Variants in PCBP3 observed in about 807,000 individuals in gnomAD.
The protein encoded by PCBP3 is poly(rC) binding protein 3.
PCBP3 carries 25 observed loss-of-function variants against 52.7 expected under a neutral mutation model. That is an observed-to-expected ratio of 0.47 (90% CI 0.35 to 0.66). The LOEUF is 0.66. Ranked by LOEUF, PCBP3 falls within the 30% of genes least tolerant of loss-of-function variation. The pLI is 0.01. For missense variants in PCBP3, 391 were observed against 490.3 expected (o/e 0.80, Z 1.91); for synonymous variants, 162 against 183.0 (o/e 0.89, Z 0.93).
chr21:45,862,071 G>C (rs1024136060), intron 5 of PCBP3, among the ~76,000 whole-genome samples: 2 of 149,414 alleles, frequency 1.3e-5, no homozygotes, highest in African/African-American at 2.5e-5. Flanking sequence ...GACCCTGCTA[G>C]TTTTCTTGAG....
chr21:45,920,468 C>T (rs978238774), intron 13 of PCBP3, among the ~76,000 whole-genome samples: 1 of 152,204 alleles, frequency 6.6e-6, no homozygotes, highest in African/African-American at 2.4e-5. Context: ...TAATGTATAA[C>T]TAACTGTTAA....
In PCBP3 at chr21:45,729,760, A is replaced by G. The variant is rs60541263; in HGVS notation, c.-199-5632A>G. 4.9e-3 allele frequency among the ~76,000 whole-genome samples: 746 copies of G among 152,070 alleles called. 7 individuals are homozygous for G. Among genetic ancestry groups the G allele is most frequent in the African/African-American group, 0.016 (684 of 41,492 alleles). On this transcript the variant is annotated intron_variant, in intron 2 of 17. Transcript: ENST00000681687. ...TATTATGTGCCTTATTAAAGAACCAACTTTCGGTTTTATTAATTTTCTGTA... is the reference window on the plus strand; with the variant it reads ...TATTATGTGCCTTATTAAAGAACCAGCTTTCGGTTTTATTAATTTTCTGTA...
chr21:45,706,459 C>G (rs973990342), intron 2 of PCBP3, among the ~76,000 whole-genome samples: 8 of 152,136 alleles, frequency 5.3e-5, no homozygotes, highest in African/African-American at 1.9e-4. Flanking sequence ...TGCTCTCTCC[C>G]TCCTTTCTCT....
Position 45,726,446 on chromosome 21 carries a change from A to G in PCBP3, c.-199-8946A>G, listed in dbSNP as rs1036693433. On this transcript the variant is annotated intron_variant, in intron 2 of 17. Transcript: ENST00000681687. The stretch of plus-strand genomic sequence containing the variant: ...AAGAGACTGGTGTGGTTGGAACTCC[A>G]GGTGGGGCTTGCTCCACTCTATCCT... Among the ~76,000 whole-genome samples the G allele has an allele frequency of 3.9e-5, 6 of 152,246 alleles. No homozygotes were observed. In the East Asian group the frequency reaches 1.2e-3, roughly 29 times the overall value.
At chr21:45,808,070 A>G (rs1436510014) in intron 4 of PCBP3, among the ~76,000 whole-genome samples, 2 of 152,290 alleles carry the variant, frequency 1.3e-5, no homozygotes, top group Admixed American at 1.3e-4. Flanking sequence ...AGACTTACAT[A>G]TAAGACCTAA....
rs142831514 is a variant in PCBP3, at chr21:45,835,941, G to A, written c.-125-14020G>A. Reference sequence around the variant, plus strand: ...TCTGGATCTCAGTTCCACAGGGGAAGCTGTGGCCGCAGGCATGGTAACCTC... The same window carrying A: ...TCTGGATCTCAGTTCCACAGGGGAAACTGTGGCCGCAGGCATGGTAACCTC... On this transcript the variant is annotated intron_variant, in intron 4 of 17. Coordinates refer to ENST00000681687, the MANE Select transcript of PCBP3 (RefSeq NM_001384156.1). Among the ~76,000 whole-genome samples, 21 of 152,322 alleles carry A rather than the reference G, an allele frequency of 1.4e-4. No homozygotes were observed. The East Asian group carries it at 3.9e-3, about 28-fold the overall frequency.
Position 45,837,518 on chromosome 21 carries a change from G to T in PCBP3, c.-125-12443G>T, listed in dbSNP as rs181415621. 6.6e-6 allele frequency among the ~76,000 whole-genome samples: 1 copy of T among 152,242 alleles called. No individual in the cohort carries two copies. ...TACGTGCCTGTGGAAATTCTCCTGC[G>T]GGCGGTTTCATGTCGAAGGCCTACC... On this transcript the variant is annotated intron_variant, in intron 4 of 17. Coordinates refer to ENST00000681687, the MANE Select transcript of PCBP3 (RefSeq NM_001384156.1). This position sits in a 1 kb window ranked among gnomAD's most constrained non-coding sequence, Gnocchi z 4.1.
chr21:45,692,122 G>A (rs986482375), intron 2 of PCBP3, among the ~76,000 whole-genome samples: 1 of 152,132 alleles, frequency 6.6e-6, no homozygotes, highest in African/African-American at 2.4e-5. Context: ...TGAACTTTCA[G>A]GACTGAGGAG....
At chr21:45,807,386 C>T (rs2092540807) in intron 4 of PCBP3, among the ~76,000 whole-genome samples, 3 of 152,304 alleles carry the variant, frequency 2.0e-5, no homozygotes, top group East Asian at 3.9e-4. Flanking sequence ...CATTCCTCTA[C>T]ACTAATAATA....
chr21:45,894,164 A>G (rs2095759677), intron 5 of PCBP3: 2 of 339,548 alleles, frequency 5.9e-6, no homozygotes, highest in Non-Finnish European at 8.4e-6. Flanking sequence ...CGCACGGCAC[A>G]GGATGGCCTC....
chr21:45,903,333 G>A (rs963145784), intron 9 of PCBP3, among the ~76,000 whole-genome samples: 1 of 152,274 alleles, frequency 6.6e-6, no homozygotes, highest in Non-Finnish European at 1.5e-5. Flanking sequence ...CCTAGGGACC[G>A]ATCAGTAAAC....
At chr21:45,896,171 A>G (rs1398918403) in intron 5 of PCBP3, 37 bp from the exon 6 acceptor site, 1 of 1,547,256 alleles carries the variant, frequency 6.5e-7, no homozygotes, top group Non-Finnish European at 8.7e-7. Flanking sequence ...GGTCCGTGAG[A>G]CTCTTCTCTA....
chr21:45,836,637 C>T (rs1187943547), intron 4 of PCBP3, among the ~76,000 whole-genome samples: 1 of 151,986 alleles, frequency 6.6e-6, no homozygotes, highest in African/African-American at 2.4e-5. Context: ...TCATGAACAG[C>T]CGTGACCCCA....
At chr21:45,654,933 C>T (rs1002889669) in intron 1 of PCBP3, among the ~76,000 whole-genome samples, 6 of 152,306 alleles carry the variant, frequency 3.9e-5, no homozygotes, top group Non-Finnish European at 8.8e-5. Flanking sequence ...AGAATTTGCC[C>T]ATTATGGAAA....
chr21:45,892,479 G>T (rs1004231130), intron 5 of PCBP3, among the ~76,000 whole-genome samples: 3 of 137,264 alleles, frequency 2.2e-5, no homozygotes, highest in Non-Finnish European at 4.8e-5. Context: ...GTGGGGGGGG[G>T]GGCGGTCCCG....
intron 2 of PCBP3, among the ~76,000 whole-genome samples, chr21:45,705,706 A>T (rs943708955): frequency 8.5e-5 from 13 of 152,166 alleles, no homozygotes; most frequent in African/African-American, 2.7e-4. Flanking sequence ...TATTTCAGGC[A>T]TGAGGGTCAC....
chr21:45,726,442 C>T (rs2085050119), intron 2 of PCBP3, among the ~76,000 whole-genome samples: 1 of 152,124 alleles, frequency 6.6e-6, no homozygotes, highest in South Asian at 2.1e-4. Flanking sequence ...GTGGTTGGAA[C>T]TCCAGGTGGG....
chr21:45,738,716 C>T (rs571611111), intron 3 of PCBP3, among the ~76,000 whole-genome samples: 1 of 150,714 alleles, frequency 6.6e-6, no homozygotes, highest in Non-Finnish European at 1.5e-5. Context: ...CCTGGGTAGC[C>T]CCCCCATCTT....
At chr21:45,782,265 A>G (rs909266654) in intron 4 of PCBP3, among the ~76,000 whole-genome samples, 2 of 152,264 alleles carry the variant, frequency 1.3e-5, no homozygotes, top group Admixed American at 6.5e-5. Context: ...GAACTTTGAA[A>G]TATCTAAGAT....
Sources: gnomAD v4.1 joint callset for allele counts (sites outside exome capture counted in the v4.1 genomes callset) on GRCh38, gnomAD v4.1.1 for gene constraint, Gnocchi (gnomAD v3.1) non-coding constraint, MANE v1.5 for transcripts, NCBI Gene and HGNC (gene_info 2026-07-23, HGNC 2026-07-21) for gene names.